The following GAPVD1 variants were observed in gnomAD, a reference collection of about 807,000 sequenced individuals.
GAPVD1 encodes the protein GTPase activating protein and VPS9 domains 1, also known as GTPase-activating protein and VPS9 domain-containing protein 1.
Under a neutral mutation model 155.5 loss-of-function variants are expected in GAPVD1, and 35 were observed. The observed-to-expected ratio is 0.23, with a 90% CI of 0.17 to 0.30. The LOEUF is 0.30. Among genes scored for constraint, GAPVD1 ranks in the 10% least tolerant of loss-of-function variants. The pLI, the probability that GAPVD1 is intolerant of heterozygous loss-of-function variation, is 1.00. For synonymous variants in GAPVD1, 636 were observed against 619.7 expected (o/e 1.03, Z -0.39); for missense variants, 1,429 against 1,775.7 (o/e 0.80, Z 3.51).
At chr9:125,331,046 A>G (rs899980563) in intron 13 of GAPVD1, among the ~76,000 whole-genome samples, 6 of 151,822 alleles carry the variant, frequency 4.0e-5, no homozygotes, top group African/African-American at 7.3e-5. Context: ...TTGTCTTTTC[A>G]TATGCATTGC....
intron 23 of GAPVD1, 94 bp from the exon 24 acceptor site, chr9:125,354,560 A>G (rs1339550521): frequency 4.0e-6 from 3 of 759,488 alleles, no homozygotes; most frequent in South Asian, 1.7e-5. Flanking sequence ...CAGTCTGTGC[A>G]GTAATTTTTC....
intron 23 of GAPVD1, 85 bp downstream of exon 23, chr9:125,350,957 T>A: frequency 9.3e-7 from 1 of 1,073,426 alleles, no homozygotes; most frequent in Non-Finnish European, 1.4e-6. Context: ...GAAATGAATC[T>A]AGGCTTCCTA....
At chr9:125,309,452 A>G (rs1422443226) in intron 8 of GAPVD1, among the ~76,000 whole-genome samples, 6 of 151,974 alleles carry the variant, frequency 3.9e-5, no homozygotes, top group African/African-American at 1.5e-4. Flanking sequence ...CTTCTGCCTC[A>G]GCCTCCCCAG....
intron 15 of GAPVD1, among the ~76,000 whole-genome samples, chr9:125,336,145 CAAA>C (rs770093537): frequency 1.0e-4 from 7 of 69,232 alleles, no homozygotes; most frequent in Admixed American, 2.9e-4. Flanking sequence ...ACTTTGTCTC[CAAA>C]AAAAAAAAAA....
chr9:125,355,674 A>G lies in GAPVD1; in HGVS notation c.3788A>G (p.Lys1263Arg). ...DFQKLTAADD[K>R]TAQVEDFLQF... ...CAGAAACTCACCGCAGCTGACGATA[A>G]AACTGCTCAGGTAGAAGATTTTCTG... is the stretch of plus-strand genomic sequence containing the variant. Residue 1263 changes from lysine (K) to arginine (R), a missense_variant, in exon 25 of 28, where the codon AAA (lysine) becomes AGA (arginine). Transcript: ENST00000297933. 1.2e-6 allele frequency: 2 copies of G among 1,613,444 alleles called. No homozygotes were observed. Among genetic ancestry groups the G allele is most frequent in the Non-Finnish European group, 1.7e-6 (2 of 1,179,472 alleles).
At chr9:125,351,606 A>G (rs986792338) in intron 23 of GAPVD1, among the ~76,000 whole-genome samples, 6 of 152,252 alleles carry the variant, frequency 3.9e-5, no homozygotes, top group Admixed American at 6.5e-5. Flanking sequence ...GGCAGAAACA[A>G]AGGGGCTACA....
chr9:125,358,227 T>C (rs1850397479), intron 25 of GAPVD1, among the ~76,000 whole-genome samples: 1 of 152,132 alleles, frequency 6.6e-6, no homozygotes, highest in African/African-American at 2.4e-5. Flanking sequence ...TGCCTCAGCC[T>C]CCTGAGTAGC....
At chr9:125,356,106 C>T (rs1019736525) in intron 25 of GAPVD1, among the ~76,000 whole-genome samples, 2 of 152,156 alleles carry the variant, frequency 1.3e-5, no homozygotes, top group Non-Finnish European at 2.9e-5. Context: ...GTTTACTCTG[C>T]CTTAACTAAT....
chr9:125,283,207 G>A (rs911365695), intron 2 of GAPVD1, among the ~76,000 whole-genome samples: 3 of 151,706 alleles, frequency 2.0e-5, no homozygotes, highest in Non-Finnish European at 2.9e-5. Context: ...TTACAGGCAT[G>A]CACCACCACA....
At chr9:125,323,612 T>G (rs1844716194) in intron 10 of GAPVD1, among the ~76,000 whole-genome samples, 186 bp from the exon 11 acceptor site, 1 of 152,128 alleles carries the variant, frequency 6.6e-6, no homozygotes, top group Non-Finnish European at 1.5e-5. Context: ...GCAGATTAAT[T>G]TGTTATTAGC....
intron 2 of GAPVD1, among the ~76,000 whole-genome samples, chr9:125,281,173 C>T (rs561085902): frequency 6.6e-6 from 1 of 152,018 alleles, no homozygotes; most frequent in Admixed American, 6.6e-5. Flanking sequence ...CTTTTCTAGG[C>T]CGTGGTGGTT....
At chr9:125,343,746 T>C (rs1378665261) in intron 19 of GAPVD1, among the ~76,000 whole-genome samples, 1 of 152,240 alleles carries the variant, frequency 6.6e-6, no homozygotes, top group Non-Finnish European at 1.5e-5. Context: ...ACATGACTCT[T>C]CAGGACCTTC....
At chr9:125,282,396 C>G (rs575596818) in intron 2 of GAPVD1, among the ~76,000 whole-genome samples, 30 of 152,300 alleles carry the variant, frequency 2.0e-4, no homozygotes, top group African/African-American at 6.5e-4. Flanking sequence ...CTTGGCGTCC[C>G]AAAGTGGTGG....
chr9:125,301,941 A>G (rs2130882707), intron 4 of GAPVD1, 42 bp from the exon 5 acceptor site: 1 of 1,358,560 alleles, frequency 7.4e-7, no homozygotes. Flanking sequence ...TATTATTAAT[A>G]CTATTATTTT....
At position 125,354,691 on chromosome 9, in the gene GAPVD1, C is replaced by T; in HGVS notation, c.3607C>T (p.Arg1203Ter). The change falls in exon 24 of 28, where the codon CGA (arginine) becomes TGA (stop). Residue 1203 changes from arginine to a stop codon, truncating the protein, a stop_gained. Coordinates refer to ENST00000297933, the MANE Select transcript of GAPVD1 (RefSeq NM_001282680.3). LOFTEE classifies it high-confidence loss of function. Reference sequence around the variant, plus strand: ...ATATATTGCTTATCTCACTCGTTGTCGACAAGGACTACAGACCACACAGGC... The same window carrying T: ...ATATATTGCTTATCTCACTCGTTGTTGACAAGGACTACAGACCACACAGGC... ...APYIAYLTRC[R>*]QGLQTTQAHL... The T allele has an allele frequency of 6.2e-7, 1 of 1,613,336 alleles. No homozygotes were observed. Among genetic ancestry groups the T allele is most frequent in the Non-Finnish European group, 8.5e-7 (1 of 1,179,440 alleles).
intron 9 of GAPVD1, among the ~76,000 whole-genome samples, chr9:125,318,855 C>CCT (rs1245286588): frequency 6.6e-6 from 1 of 151,960 alleles, no homozygotes; most frequent in Non-Finnish European, 1.5e-5. Flanking sequence ...TCAAGACCAG[C>CCT]CTGGGCAACT....
chr9:125,288,246 G>C (rs1295461033), intron 2 of GAPVD1, among the ~76,000 whole-genome samples: 1 of 151,754 alleles, frequency 6.6e-6, no homozygotes, highest in Non-Finnish European at 1.5e-5. Flanking sequence ...TGAGTAACTG[G>C]ATTTATAGGC....
intron 2 of GAPVD1, among the ~76,000 whole-genome samples, chr9:125,278,940 A>T (rs1044895949): frequency 6.7e-6 from 1 of 150,330 alleles, no homozygotes; most frequent in Non-Finnish European, 1.5e-5. Context: ...GGCTGGGCAC[A>T]GTGACTCATG....
chr9:125,318,269 G>A (rs577469500), intron 9 of GAPVD1, among the ~76,000 whole-genome samples: 18 of 152,376 alleles, frequency 1.2e-4, no homozygotes, highest in Non-Finnish European at 2.5e-4. Context: ...TTAGAGGCGT[G>A]AGCCACTGTG....
Sources: allele counts gnomAD v4.1 joint callset (sites outside exome capture counted in the v4.1 genomes callset), GRCh38; gene constraint gnomAD v4.1.1; transcripts MANE v1.5; gene names NCBI Gene and HGNC (gene_info 2026-07-23, HGNC 2026-07-21).